Variants in DOCK9 observed in about 807,000 individuals in gnomAD.
The protein encoded by DOCK9 is dedicator of cytokinesis 9.
DOCK9 carries 89 observed loss-of-function variants against 263.3 expected under a neutral mutation model. The ratio of observed to expected loss-of-function variants is 0.34; its 90% confidence interval spans 0.28 to 0.40. The LOEUF (loss-of-function observed/expected upper bound fraction) is 0.40, where lower values mean the gene tolerates loss of function less well. DOCK9 is among the 10% of genes least tolerant of loss of function. DOCK9 has a pLI of 1.00. For synonymous variants in DOCK9, 976 were observed against 973.1 expected, an observed-to-expected ratio of 1.00 and a Z score of -0.06; for missense variants, 2,140 against 2,603.4, an observed-to-expected ratio of 0.82 and a Z score of 3.87.
At chr13:98,933,543 T>C (rs1469626798) in intron 2 of DOCK9, among the ~76,000 whole-genome samples, 2 of 152,212 alleles carry the variant, frequency 1.3e-5, no homozygotes, top group Non-Finnish European at 2.9e-5. Flanking sequence ...ATTCCTAACC[T>C]TGATGTTAAC....
At chr13:99,084,227 G>C (rs1375657914) in intron 1 of DOCK9, among the ~76,000 whole-genome samples, 2 of 152,192 alleles carry the variant, frequency 1.3e-5, no homozygotes, top group Admixed American at 1.3e-4. Flanking sequence ...AGGAGGTGGG[G>C]GGATGAGGTG....
At chr13:98,982,151 G>T (rs1362344237), upstream of DOCK9, among the ~76,000 whole-genome samples, 1 of 152,204 alleles carries the variant, frequency 6.6e-6, no homozygotes, top group Non-Finnish European at 1.5e-5. Flanking sequence ...TGGGGTTCAG[G>T]TCTCAAATTT....
At chr13:99,034,817 C>T (rs752925613) in intron 1 of DOCK9, among the ~76,000 whole-genome samples, 5 of 152,138 alleles carry the variant, frequency 3.3e-5, no homozygotes, top group Admixed American at 6.6e-5. Context: ...AACTGTGATT[C>T]GGTGTGGCCA....
At chr13:98,961,891 A>G (rs1277594913) in intron 1 of DOCK9, among the ~76,000 whole-genome samples, 1 of 152,164 alleles carries the variant, frequency 6.6e-6, no homozygotes, top group African/African-American at 2.4e-5. Context: ...CAATTCAGAC[A>G]TGTTCTAAGG....
chr13:98,863,113 G>A lies in DOCK9; in HGVS notation c.3485C>T (p.Ala1162Val). The stretch of plus-strand genomic sequence containing the variant: ...ACCAAACAGAGGCAGGTAGAGGGTG[G>A]CTATCCTTGCCTGATGGCTCTGAAA... ...YASRSHQARI[A>V]TLYLPLFGLL... Residue 1162 changes from alanine to valine, a missense_variant, in exon 32 of 53, where the codon GCC becomes GTC. By Grantham distance (64) the Ala-to-Val change is moderately conservative. Coordinates refer to ENST00000682017, the MANE Select transcript of DOCK9 (RefSeq NM_001366683.2). 6.2e-7 allele frequency: 1 copy of A among 1,607,974 alleles called. No homozygotes were observed. Among genetic ancestry groups the A allele is most frequent in the South Asian group, 1.1e-5 (1 of 89,392 alleles).
chr13:98,884,912 G>A, intron 21 of DOCK9, 59 bp downstream of exon 21: 1 of 1,543,086 alleles, frequency 6.5e-7, no homozygotes, highest in Non-Finnish European at 8.8e-7. Context: ...TGTTGTTTTA[G>A]TTGTTCTTTA....
intron 2 of DOCK9, among the ~76,000 whole-genome samples, chr13:98,945,087 C>T (rs7994238): frequency 0.12 from 18,715 of 152,162 alleles, 1,388 homozygotes; most frequent in African/African-American, 0.2. Flanking sequence ...AAATCACTTC[C>T]TTTTCCTACA....
At position 98,914,135 on chromosome 13, in the gene DOCK9, G is replaced by A. The variant is rs557239240; in HGVS notation, c.960+193C>T. ...ATAATAAAAGGAGAATGCTTTGTAG[G>A]GTACTTTTTAGAAGACAGACCTGAA... is the stretch of plus-strand genomic sequence containing the variant. On this transcript the variant is annotated intron_variant, in intron 9 of 52. Coordinates refer to ENST00000682017, the MANE Select transcript of DOCK9 (RefSeq NM_001366683.2). Among the ~76,000 whole-genome samples the A allele has an allele frequency of 5.3e-5, 8 of 152,238 alleles. No individual in the cohort carries two copies. The East Asian group carries it at 1.4e-3, about 26-fold the overall frequency.
chr13:98,879,075 G>A (rs1181678782), intron 27 of DOCK9, among the ~76,000 whole-genome samples: 1 of 152,182 alleles, frequency 6.6e-6, no homozygotes, highest in Non-Finnish European at 1.5e-5. Context: ...CCAGGACTCT[G>A]CAGGTCTCAG....
chr13:99,024,874 T>C (rs923181264), intron 1 of DOCK9, among the ~76,000 whole-genome samples: 7 of 152,190 alleles, frequency 4.6e-5, no homozygotes, highest in African/African-American at 1.7e-4. Context: ...AAATAAAATA[T>C]GTACTCTCTT....
intron 34 of DOCK9, 135 bp downstream of exon 34, chr13:98,855,763 C>T: frequency 2.1e-6 from 2 of 970,858 alleles, no homozygotes; most frequent in Non-Finnish European, 3.1e-6. Context: ...CTCTCATCAC[C>T]TACTCCAGGT....
At chr13:98,915,567 C>T (rs1316895895) in intron 7 of DOCK9, 64 bp from the exon 8 acceptor site, 3 of 1,464,064 alleles carry the variant, frequency 2.0e-6, no homozygotes, top group Non-Finnish European at 2.7e-6. Context: ...AAAATAATTA[C>T]TCTCTCTTGT....
rs150524204 is a variant in DOCK9, at chr13:99,024,670, G to T, written c.129+61553C>A. On this transcript the variant is annotated intron_variant, in intron 1 of 32. Transcript: ENST00000427887. ...ACATGAAGAAATATTCCTTGAGGGC[G>T]AAGAGGAAAACATAAAACACACATA... Among the ~76,000 whole-genome samples, 145 of 152,270 alleles carry T rather than the reference G, an allele frequency of 9.5e-4. 2 individuals carry two copies. The highest frequency in any genetic ancestry group is 3.4e-3 in the African/African-American group (143 of 41,542).
chr13:98,910,931 G>A (rs1237271043), intron 9 of DOCK9, among the ~76,000 whole-genome samples: 1 of 151,638 alleles, frequency 6.6e-6, no homozygotes, highest in Non-Finnish European at 1.5e-5. Flanking sequence ...CTAATGGGAT[G>A]ACCAACAGTT....
intron 34 of DOCK9, chr13:98,854,587 G>A (rs2093656364): frequency 6.6e-6 from 1 of 152,154 alleles, no homozygotes; most frequent in South Asian, 2.1e-4. Context: ...GGGAGGGAAG[G>A]TGTTGCATTC....
intron 18 of DOCK9, 124 bp from the exon 19 acceptor site, chr13:98,886,748 C>T (rs1467598339): frequency 1.1e-6 from 1 of 877,120 alleles, no homozygotes; most frequent in Admixed American, 2.4e-5. Context: ...TCTGATGGGC[C>T]CCAGGCCTGT....
At chr13:98,934,613 G>C (rs1467404502) in intron 2 of DOCK9, among the ~76,000 whole-genome samples, 4 of 152,204 alleles carry the variant, frequency 2.6e-5, no homozygotes, top group Admixed American at 6.5e-5. Flanking sequence ...AAGAATACTG[G>C]CATTTTCATG....
At chr13:99,064,475 T>C (rs2041330701) in intron 1 of DOCK9, among the ~76,000 whole-genome samples, 1 of 152,188 alleles carries the variant, frequency 6.6e-6, no homozygotes, top group East Asian at 1.9e-4. Flanking sequence ...ATGCAGTGAC[T>C]GAGCTTTTAT....
intron 27 of DOCK9, among the ~76,000 whole-genome samples, chr13:98,875,294 C>T (rs1275281699): frequency 6.7e-6 from 1 of 149,140 alleles, no homozygotes; most frequent in African/African-American, 2.5e-5. Context: ...TGGTAGAATG[C>T]ATACTAGCAT....
Sources: allele counts gnomAD v4.1 joint callset (sites outside exome capture counted in the v4.1 genomes callset), GRCh38; gene constraint gnomAD v4.1.1; transcripts MANE v1.5; gene names NCBI Gene and HGNC (gene_info 2026-07-23, HGNC 2026-07-21).